ATP11C: variants seen among roughly 807,000 people sequenced by gnomAD.
ATP11C encodes phospholipid-transporting ATPase IG.
In ATP11C, 36 loss-of-function variants were observed where a neutral mutation model predicts 97.4. The ratio of observed to expected loss-of-function variants is 0.37; its 90% CI spans 0.28 to 0.49. ATP11C has a LOEUF of 0.49. Among genes scored for constraint, ATP11C ranks in the 20% least tolerant of loss-of-function variants. ATP11C has a pLI of 0.98. For synonymous variants in ATP11C, 275 were observed against 290.9 expected (o/e 0.95, Z 0.56); for missense variants, 730 against 824.6 (o/e 0.89, Z 1.40).
At chrX:139,765,675 T>C (rs1348388540) in intron 20 of ATP11C, among the ~76,000 whole-genome samples, 18 of 112,111 alleles carry the variant, frequency 1.6e-4, no homozygotes, top group Non-Finnish European at 3.0e-4. Flanking sequence ...GCTGAGAGAA[T>C]AGATCTGGCT....
At chrX:139,800,018 C>A (rs1401180709) in intron 8 of ATP11C, 42 bp downstream of exon 8, 3 of 508,184 alleles carry the variant, frequency 5.9e-6, no homozygotes, top group South Asian at 5.1e-5. Context: ...AATAGACCCC[C>A]CCCCCCAACC....
chrX:139,813,170 A>T (rs1243478965), intron 5 of ATP11C, among the ~76,000 whole-genome samples: 1 of 112,126 alleles, frequency 8.9e-6, no homozygotes, highest in Non-Finnish European at 1.9e-5. Flanking sequence ...ACCATATGAA[A>T]AGAAAGTCCA....
intron 1 of ATP11C, among the ~76,000 whole-genome samples, chrX:139,840,921 C>T (rs781513006): frequency 9.9e-5 from 11 of 110,566 alleles, no homozygotes; most frequent in Non-Finnish European, 2.1e-4. Flanking sequence ...GTGTATACTG[C>T]TCGGGTGATG....
chrX:139,916,220 C>G (rs1201916483), intron 1 of ATP11C, among the ~76,000 whole-genome samples: 4 of 62,153 alleles, frequency 6.4e-5, no homozygotes, highest in African/African-American at 1.3e-4. Context: ...CAGAGCAAGA[C>G]TCTGTCTTAA....
At chrX:139,799,946 C>T (rs1211065247) in intron 8 of ATP11C, 114 bp downstream of exon 8, 7 of 666,926 alleles carry the variant, frequency 1.0e-5, no homozygotes, top group African/African-American at 2.3e-5. Flanking sequence ...GCTACCGCAC[C>T]CGGCCTATAT....
At chrX:139,821,300 C>G (rs904114541) in intron 2 of ATP11C, among the ~76,000 whole-genome samples, 3 of 112,027 alleles carry the variant, frequency 2.7e-5, no homozygotes, top group Non-Finnish European at 5.6e-5. Context: ...AAGGTCCACA[C>G]TTCTTATGAG....
At chrX:139,874,623 T>G (rs1346848169) in intron 1 of ATP11C, among the ~76,000 whole-genome samples, 1 of 111,922 alleles carries the variant, frequency 8.9e-6, no homozygotes, top group Non-Finnish European at 1.9e-5. Flanking sequence ...GGGCCTTAAT[T>G]TGAATCCAGG....
intron 15 of ATP11C, among the ~76,000 whole-genome samples, chrX:139,786,094 G>T (rs764934947): frequency 1.4e-4 from 16 of 111,428 alleles, no homozygotes; most frequent in African/African-American, 4.9e-4. Context: ...TATTGTAAGA[G>T]CAAAAGAAAG....
intron 3 of ATP11C, among the ~76,000 whole-genome samples, chrX:139,818,435 C>T (rs1164988333): frequency 9.0e-6 from 1 of 111,504 alleles, no homozygotes; most frequent in Non-Finnish European, 1.9e-5. Flanking sequence ...AATGCACTGC[C>T]CACCAAGTAG....
chrX:139,824,673 C>T (rs1399137618), intron 2 of ATP11C, among the ~76,000 whole-genome samples: 1 of 110,973 alleles, frequency 9.0e-6, no homozygotes, highest in African/African-American at 3.3e-5. Flanking sequence ...GACGACAGAG[C>T]GAGACTCTGT....
At chrX:139,761,872 A>T in intron 22 of ATP11C, 89 bp downstream of exon 22, 4 of 180,347 alleles carry the variant, frequency 2.2e-5, no homozygotes, top group African/African-American at 3.4e-5. Context: ...AAGCAGCATT[A>T]AAAAAAAAAA....
intron 1 of ATP11C, chrX:139,924,139 G>A (rs776258371): frequency 1.8e-5 from 7 of 381,884 alleles, no homozygotes; most frequent in African/African-American, 7.7e-5. Context: ...GAAAATCCAC[G>A]AACTTGGCGA....
intron 1 of ATP11C, 26 bp from the exon 2 acceptor site, chrX:139,826,849 T>C (rs371970307): frequency 1.7e-6 from 2 of 1,188,814 alleles, no homozygotes. Flanking sequence ...GGGAAAAAAT[T>C]CAGTTTTTCA....
intron 18 of ATP11C, 131 bp downstream of exon 18, chrX:139,782,416 A>G: frequency 2.5e-6 from 1 of 395,934 alleles, no homozygotes; most frequent in Non-Finnish European, 4.1e-6. Context: ...TTGCTATAAT[A>G]AATAAATCTT....
intron 2 of ATP11C, among the ~76,000 whole-genome samples, chrX:139,822,976 G>A (rs1303896398): frequency 1.8e-5 from 2 of 110,687 alleles, no homozygotes; most frequent in African/African-American, 6.6e-5. Flanking sequence ...CAGCACTTTG[G>A]GAGGCTGAGG....
At chrX:139,837,060 A>AT (rs1056958814) in intron 1 of ATP11C, among the ~76,000 whole-genome samples, 1 of 111,701 alleles carries the variant, frequency 9.0e-6, no homozygotes, top group African/African-American at 3.3e-5. Context: ...GCCATTTGAA[A>AT]TAATTTTTAT....
chrX:139,882,734 T>C (rs759585459), intron 1 of ATP11C, among the ~76,000 whole-genome samples: 32 of 111,656 alleles, frequency 2.9e-4, no homozygotes, highest in African/African-American at 9.4e-4. Context: ...TCCACATGCA[T>C]TTTCCCCTAA....
At chrX:139,897,207 G>C (rs1007286875) in intron 1 of ATP11C, among the ~76,000 whole-genome samples, 2 of 110,923 alleles carry the variant, frequency 1.8e-5, no homozygotes, top group Non-Finnish European at 3.8e-5. Flanking sequence ...GCCTGAGAGA[G>C]AGTGAGACCC....
intron 28 of ATP11C, among the ~76,000 whole-genome samples, chrX:139,732,705 G>A (rs2081371866): frequency 9.0e-6 from 1 of 111,349 alleles, no homozygotes; most frequent in Non-Finnish European, 1.9e-5. Context: ...AGTAAAAGCA[G>A]AGTCAGAGAT....
Sources: gnomAD v4.1 joint callset for allele counts (sites outside exome capture counted in the v4.1 genomes callset) on GRCh38, gnomAD v4.1.1 for gene constraint, MANE v1.5 for transcripts, NCBI Gene and HGNC (gene_info 2026-07-23, HGNC 2026-07-21) for gene names.